ROBO2: variants seen among roughly 807,000 people sequenced by gnomAD.
ROBO2 encodes roundabout guidance receptor 2.
In ROBO2, 53 loss-of-function variants were observed where a neutral mutation model predicts 160.8. The observed-to-expected ratio is 0.33, with a 90% CI of 0.26 to 0.41. ROBO2 has a LOEUF of 0.41. Among genes scored for constraint, ROBO2 ranks in the 10% least tolerant of loss-of-function variants. ROBO2 has a pLI of 1.00. For synonymous variants in ROBO2, 664 were observed against 611.7 expected (o/e 1.09, Z -1.26); for missense variants, 1,577 against 1,722.4 (o/e 0.92, Z 1.49).
chr3:76,032,910 G>A (rs939626820), intron 2 of ROBO2, among the ~76,000 whole-genome samples: 1 of 152,088 alleles, frequency 6.6e-6, no homozygotes, highest in Non-Finnish European at 1.5e-5. Context: ...AGTTTCAATT[G>A]GATATTATAT....
At position 76,753,200 on chromosome 3, in the gene ROBO2, C is replaced by G. The variant is rs1262272018; in HGVS notation, c.110-344814C>G. Among the ~76,000 whole-genome samples, 4 of 151,888 alleles carry G rather than the reference C, an allele frequency of 2.6e-5. No homozygotes were observed. In the South Asian group the frequency reaches 6.2e-4, roughly 24 times the overall value. ...TCAGAAAAGGAGAAGAAAATATAAG[C>G]ACAGAATTATTTCCATTTGTTTTAA... On this transcript the variant is annotated intron_variant, in intron 2 of 26. Coordinates refer to the ROBO2 transcript ENST00000487694.
At chr3:75,983,880 A>C (rs2107465446) in intron 2 of ROBO2, among the ~76,000 whole-genome samples, 1 of 151,590 alleles carries the variant, frequency 6.6e-6, no homozygotes, top group South Asian at 2.1e-4. Flanking sequence ...ATTACTTATT[A>C]ATAACTAGTT....
chr3:77,600,179 G>C (rs906499464), intron 19 of ROBO2, among the ~76,000 whole-genome samples: 2 of 152,198 alleles, frequency 1.3e-5, no homozygotes, highest in African/African-American at 4.8e-5. Flanking sequence ...TTTAGGTCTA[G>C]CCTGTTGGGA....
intron 6 of ROBO2, 137 bp from the exon 7 acceptor site, chr3:77,527,266 A>G: frequency 2.2e-6 from 1 of 455,332 alleles, no homozygotes; most frequent in Non-Finnish European, 3.6e-6. Context: ...TCTTGGTCAT[A>G]CTTGAATTGT....
intron 2 of ROBO2, among the ~76,000 whole-genome samples, chr3:76,076,624 A>G (rs2068653915): frequency 6.6e-6 from 1 of 152,204 alleles, no homozygotes; most frequent in Non-Finnish European, 1.5e-5. Flanking sequence ...ATTACACTTA[A>G]CAGCTGATGA....
chr3:76,137,973 T>G (rs2071491865), intron 2 of ROBO2, among the ~76,000 whole-genome samples: 1 of 152,048 alleles, frequency 6.6e-6, no homozygotes, highest in Admixed American at 6.6e-5. Context: ...CAAAATATCC[T>G]TTGCCACATA....
At chr3:76,170,016 A>G (rs1165698089) in intron 2 of ROBO2, among the ~76,000 whole-genome samples, 3 of 152,012 alleles carry the variant, frequency 2.0e-5, no homozygotes, top group African/African-American at 7.3e-5. Flanking sequence ...TCCTGACCTC[A>G]TGATCCACTC....
At chr3:77,490,220 C>T in intron 4 of ROBO2, among the ~76,000 whole-genome samples, 1 of 151,606 alleles carries the variant, frequency 6.6e-6, no homozygotes, top group East Asian at 2.0e-4. Flanking sequence ...CCTGCCTCAG[C>T]CTCCCGAGTA....
At chr3:77,481,472 G>A (rs963226957) in intron 4 of ROBO2, among the ~76,000 whole-genome samples, 11 of 152,036 alleles carry the variant, frequency 7.2e-5, no homozygotes, top group Non-Finnish European at 8.8e-5. Flanking sequence ...AAAATGTAAC[G>A]TTCTTTCTCA....
chr3:76,905,592 T>A (rs1406386088), intron 2 of ROBO2, among the ~76,000 whole-genome samples: 1 of 152,166 alleles, frequency 6.6e-6, no homozygotes, highest in African/African-American at 2.4e-5. Context: ...CAGTCCCTTT[T>A]CACTGTCCTG....
At chr3:77,235,072 G>A (rs1456666238) in intron 2 of ROBO2, among the ~76,000 whole-genome samples, 3 of 152,106 alleles carry the variant, frequency 2.0e-5, no homozygotes, top group Non-Finnish European at 4.4e-5. Flanking sequence ...AATGAAAGGT[G>A]CTTTCTTTAT....
At chr3:77,180,962 C>T (rs1384271778) in intron 2 of ROBO2, among the ~76,000 whole-genome samples, 2 of 152,038 alleles carry the variant, frequency 1.3e-5, no homozygotes, top group East Asian at 3.9e-4. Context: ...CAGATCCAAC[C>T]TAGCTGCATT....
chr3:76,643,452 G>T (rs970044538), intron 2 of ROBO2, among the ~76,000 whole-genome samples: 8 of 152,126 alleles, frequency 5.3e-5, no homozygotes, highest in Admixed American at 2.0e-4. Context: ...ATCCAAACAA[G>T]TAAAATTAGT....
intron 2 of ROBO2, among the ~76,000 whole-genome samples, chr3:76,324,018 T>G (rs2072801922): frequency 6.6e-6 from 1 of 152,224 alleles, no homozygotes; most frequent in Non-Finnish European, 1.5e-5. Context: ...GAAGTTCTAC[T>G]GAGGATCAAG....
chr3:77,574,401 A>G, intron 13 of ROBO2, 98 bp from the exon 15 acceptor site: 1 of 986,524 alleles, frequency 1.0e-6, no homozygotes, highest in South Asian at 1.4e-5. Flanking sequence ...GTTGATAGTT[A>G]TGAGGACAGA....
In ROBO2 at chr3:76,831,722, A is replaced by G. The variant is rs553723259; in HGVS notation, c.110-266292A>G. On this transcript the variant is annotated intron_variant, in intron 2 of 26. Coordinates refer to the ROBO2 transcript ENST00000487694. ...AAAACTAAGACAAACTATTGTTAGG[A>G]TGCTTTGAGTTGTATACTTAATAGA... Among the ~76,000 whole-genome samples, 17 of 152,254 alleles carry G rather than the reference A, an allele frequency of 1.1e-4. No individual in the cohort carries two copies. In the South Asian group the frequency reaches 3.5e-3, roughly 32 times the overall value.
chr3:76,001,114 C>T (rs796103868), intron 2 of ROBO2, among the ~76,000 whole-genome samples: 1 of 151,830 alleles, frequency 6.6e-6, no homozygotes, highest in South Asian at 2.1e-4. Flanking sequence ...TTTCATTGCT[C>T]TTTATTTAGT....
chr3:76,984,321 T>G (rs1354892791), intron 2 of ROBO2, among the ~76,000 whole-genome samples: 1 of 152,160 alleles, frequency 6.6e-6, no homozygotes, highest in Non-Finnish European at 1.5e-5. Flanking sequence ...TTCTCCAGCT[T>G]TTTCAGCTCT....
intron 2 of ROBO2, among the ~76,000 whole-genome samples, chr3:76,293,082 T>A (rs952353164): frequency 1.3e-5 from 2 of 151,890 alleles, no homozygotes; most frequent in Non-Finnish European, 2.9e-5. Context: ...CAAGGAAAAA[T>A]TCTGAAGTAT....
Sources: gnomAD v4.1 joint callset for allele counts (sites outside exome capture counted in the v4.1 genomes callset) on GRCh38, gnomAD v4.1.1 for gene constraint, MANE v1.5 for transcripts, NCBI Gene and HGNC (gene_info 2026-07-23, HGNC 2026-07-21) for gene names.